The following C9 variants were observed in gnomAD, a reference collection of about 807,000 sequenced individuals.
C9 encodes the protein complement component C9.
Under a neutral mutation model 65.4 loss-of-function variants are expected in C9, and 63 were observed. That is an observed-to-expected ratio of 0.96 (90% CI 0.79 to 1.19). C9 has a LOEUF of 1.19. Among genes scored for constraint, C9 ranks in the 50% most tolerant of loss-of-function variants. The pLI, the probability that C9 is intolerant of heterozygous loss-of-function variation, is 0.00. For synonymous variants in C9, 229 were observed against 227.9 expected (o/e 1.00, Z -0.04); for missense variants, 744 against 670.1 (o/e 1.11, Z -1.22).
At chr5:39,295,020 G>C (rs1753159340) in intron 9 of C9, among the ~76,000 whole-genome samples, 1 of 151,702 alleles carries the variant, frequency 6.6e-6, no homozygotes, top group Non-Finnish European at 1.5e-5. Context: ...TTCTCTTTGT[G>C]ATACAAATTC....
chr5:39,344,150 G>A (rs1754143540), intron 1 of C9, among the ~76,000 whole-genome samples: 1 of 152,310 alleles, frequency 6.6e-6, no homozygotes, highest in South Asian at 2.1e-4. Flanking sequence ...CTCCTCACCA[G>A]CAATGGAACA....
Position 39,348,761 on chromosome 5 carries a change from C to G in C9, c.78-6565G>C, listed in dbSNP as rs147244420. 1.3e-4 allele frequency among the ~76,000 whole-genome samples: 20 copies of G among 152,130 alleles called. No individual in the cohort carries two copies. In the East Asian group the frequency reaches 2.1e-3, roughly 16 times the overall value. On this transcript the variant is annotated intron_variant, in intron 1 of 10. Coordinates refer to ENST00000263408, the MANE Select transcript of C9 (RefSeq NM_001737.5). ...GCACTATTCACAATAGCAAAGACTT[C>G]GAACCAACCCAAATGTCCATCAATG...
Position 39,356,348 on chromosome 5 carries a change from A to T in C9, c.77+8040T>A, listed in dbSNP as rs528981112. Among the ~76,000 whole-genome samples, 28 of 152,284 alleles carry T rather than the reference A, an allele frequency of 1.8e-4. 1 individual carries two copies. The highest frequency in any genetic ancestry group is 6.0e-4 in the African/African-American group (25 of 41,562). ...TGCTGGCTTTTTCCCCCAAACCTAA[A>T]TCCTCTTTGAAATAAGCTGAGTGGT... On this transcript the variant is annotated intron_variant, in intron 1 of 10. Transcript: ENST00000263408.
At chr5:39,304,507 TA>T (rs1022115970) in intron 9 of C9, among the ~76,000 whole-genome samples, 2 of 152,080 alleles carry the variant, frequency 1.3e-5, no homozygotes, top group African/African-American at 4.8e-5. Context: ...ATTATGAGAG[TA>T]AAATAACTTG....
intron 5 of C9, among the ~76,000 whole-genome samples, chr5:39,328,801 A>G (rs533624146): frequency 5.9e-5 from 9 of 152,292 alleles, no homozygotes; most frequent in Admixed American, 5.2e-4. Flanking sequence ...TTCAAATTTC[A>G]GAGACAGCAA....
chr5:39,358,687 G>A (rs1029657461), intron 1 of C9, among the ~76,000 whole-genome samples: 2 of 152,022 alleles, frequency 1.3e-5, no homozygotes, highest in South Asian at 4.1e-4. Context: ...TTTGGGATAT[G>A]TTTAAAGATA....
intron 6 of C9, among the ~76,000 whole-genome samples, chr5:39,313,210 A>G (rs554685168): frequency 1.3e-5 from 2 of 152,240 alleles, no homozygotes; most frequent in Admixed American, 6.5e-5. Flanking sequence ...TGCCCTCACT[A>G]GAAGCAAAAT....
rs903710366 is a variant in C9 at position 39,316,682 on chromosome 5, C to G, written c.616-653G>C. Among the ~76,000 whole-genome samples the G allele has an allele frequency of 3.4e-4, 51 of 152,194 alleles. 1 individual carries two copies. Among genetic ancestry groups the G allele is most frequent in the African/African-American group, 1.2e-3 (50 of 41,464 alleles). On this transcript the variant is annotated intron_variant, in intron 5 of 10. Transcript: ENST00000263408. ...TCCCTGCAAAGGACGTGATCTTGTT[C>G]CTTTTTATGGCTGCATAGTATTCCA...
intron 1 of C9, among the ~76,000 whole-genome samples, chr5:39,349,844 C>A (rs1754289083): frequency 6.6e-6 from 1 of 152,156 alleles, no homozygotes; most frequent in Admixed American, 6.5e-5. Flanking sequence ...CTCTTTTATG[C>A]AGGCGCCTCT....
intron 9 of C9, among the ~76,000 whole-genome samples, chr5:39,295,145 C>A (rs943485571): frequency 7.3e-5 from 11 of 151,524 alleles, no homozygotes; most frequent in African/African-American, 2.4e-4. Context: ...CCTCTAAGAA[C>A]TGAAACAAAG....
At chr5:39,345,736 C>T (rs548285408) in intron 1 of C9, among the ~76,000 whole-genome samples, 8 of 152,306 alleles carry the variant, frequency 5.3e-5, no homozygotes, top group South Asian at 4.1e-4. Context: ...AGCACCACAT[C>T]GCACTTATCT....
chr5:39,316,613 C>T (rs1176022922), intron 5 of C9, among the ~76,000 whole-genome samples: 2 of 152,146 alleles, frequency 1.3e-5, no homozygotes, highest in Non-Finnish European at 2.9e-5. Context: ...TTTTCTGTTC[C>T]TATGTTAATG....
chr5:39,294,412 G>T (rs1309183906), intron 9 of C9, among the ~76,000 whole-genome samples: 1 of 151,570 alleles, frequency 6.6e-6, no homozygotes, highest in African/African-American at 2.4e-5. Flanking sequence ...AACACAAAGG[G>T]TCATTAGATA....
intron 5 of C9, among the ~76,000 whole-genome samples, chr5:39,323,680 T>A (rs1255095887): frequency 6.6e-6 from 1 of 151,676 alleles, no homozygotes; most frequent in Admixed American, 6.6e-5. Flanking sequence ...CTCGACATAA[T>A]AAAGGCCATA....
intron 9 of C9, among the ~76,000 whole-genome samples, chr5:39,292,869 TA>T (rs1425773859): frequency 1.3e-5 from 2 of 149,640 alleles, no homozygotes; most frequent in Non-Finnish European, 3.0e-5. Context: ...TGTTATAGAG[TA>T]AAAAATATTT....
rs776195213 is a variant in C9, at chr5:39,306,757, C to G, written c.1276G>C (p.Val426Leu). The change falls in exon 9 of 11, where the codon GTT becomes CTT. Residue 426 changes from valine to leucine, a missense_variant. Coordinates refer to ENST00000263408, the MANE Select transcript of C9 (RefSeq NM_001737.5). Reference protein sequence around the residue: ...ITSENLIDDVVSLIRGGTRKY... With the variant: ...ITSENLIDDVLSLIRGGTRKY... ...CTGGTTCCACCTCTTATGAGTGAAA[C>G]AACATCATCTATGAGGTTTTCACTG... is the stretch of plus-strand genomic sequence containing the variant. 1 of 1,612,274 alleles carries G rather than the reference C, an allele frequency of 6.2e-7. No individual in the cohort carries two copies. Among genetic ancestry groups the G allele is most frequent in the Non-Finnish European group, 8.5e-7 (1 of 1,178,650 alleles).
chr5:39,364,332 G>T, intron 1 of C9, 56 bp downstream of exon 1: 2 of 931,768 alleles, frequency 2.1e-6, no homozygotes, highest in South Asian at 1.3e-5. Flanking sequence ...AGAAGACCTT[G>T]AGATGCTAAT....
At chr5:39,324,168 T>C (rs766744944) in intron 5 of C9, among the ~76,000 whole-genome samples, 1 of 152,154 alleles carries the variant, frequency 6.6e-6, no homozygotes, top group Non-Finnish European at 1.5e-5. Flanking sequence ...ATGGAAAATA[T>C]ACAAATCAAT....
At chr5:39,353,556 C>T (rs1388625626) in intron 1 of C9, among the ~76,000 whole-genome samples, 6 of 152,276 alleles carry the variant, frequency 3.9e-5, no homozygotes, top group Middle Eastern at 3.4e-3. Flanking sequence ...TTCTGGGAAT[C>T]CACCTTAACC....
Sources: gnomAD v4.1 joint callset for allele counts (sites outside exome capture counted in the v4.1 genomes callset) on GRCh38, gnomAD v4.1.1 for gene constraint, MANE v1.5 for transcripts, NCBI Gene and HGNC (gene_info 2026-07-23, HGNC 2026-07-21) for gene names.